SUGCT: variants seen among roughly 807,000 people sequenced by gnomAD.
SUGCT encodes succinyl-CoA:glutarate-CoA transferase, also known as succinyl-CoA:glutarate CoA-transferase.
In SUGCT, 41 loss-of-function variants were observed where a neutral mutation model predicts 55.0. That is an observed-to-expected ratio of 0.74 (90% CI 0.58 to 0.97). The LOEUF (loss-of-function observed/expected upper bound fraction) is 0.97. Among genes scored for constraint, SUGCT ranks in the 50% least tolerant of loss-of-function variants. SUGCT has a pLI of 0.00. For synonymous variants in SUGCT, 187 were observed against 200.4 expected, an observed-to-expected ratio of 0.93 and a Z score of 0.56; for missense variants, 568 against 547.8, an observed-to-expected ratio of 1.04 and a Z score of -0.37.
chr7:40,632,126 G>A (rs1209057810), intron 12 of SUGCT, among the ~76,000 whole-genome samples: 2 of 152,258 alleles, frequency 1.3e-5, no homozygotes, highest in South Asian at 2.1e-4. Context: ...CCATAAATAT[G>A]AGTGGGATGC....
rs539896429 is a variant in SUGCT, at chr7:40,495,534, C to A, written c.987-750C>A. On this transcript the variant is annotated intron_variant, in intron 11 of 13. Transcript: ENST00000335693. ...ATTGTGTTGTGGTGTCCCTATAGAT[C>A]CAAGATTTTATTTCTGTGTTCACTG... Among the ~76,000 whole-genome samples the A allele has an allele frequency of 2.0e-5, 3 of 152,096 alleles. No homozygotes were observed. The South Asian group carries it at 6.2e-4, about 32-fold the overall frequency.
intron 12 of SUGCT, among the ~76,000 whole-genome samples, chr7:40,516,778 C>G (rs1352177997): frequency 6.6e-6 from 1 of 152,086 alleles, no homozygotes; most frequent in Admixed American, 6.5e-5. Context: ...CCTCATTTTT[C>G]TTCTTTTTCA....
At chr7:40,541,126 G>C (rs1339137667) in intron 12 of SUGCT, among the ~76,000 whole-genome samples, 1 of 152,106 alleles carries the variant, frequency 6.6e-6, no homozygotes, top group Non-Finnish European at 1.5e-5. Flanking sequence ...TGCCCTCCAG[G>C]CTCTATAAGC....
At chr7:40,194,354 C>T (rs540285408) in intron 5 of SUGCT, among the ~76,000 whole-genome samples, 7 of 152,056 alleles carry the variant, frequency 4.6e-5, no homozygotes, top group Non-Finnish European at 1.0e-4. Flanking sequence ...CTCAATTTAC[C>T]GGCTCAAGTG....
At chr7:40,300,374 A>G (rs186425207) in intron 8 of SUGCT, among the ~76,000 whole-genome samples, 43 of 152,282 alleles carry the variant, frequency 2.8e-4, no homozygotes, top group Non-Finnish European at 4.1e-4. Context: ...GATGTAAAAA[A>G]GATTAAAAAA....
intron 7 of SUGCT, among the ~76,000 whole-genome samples, chr7:40,264,884 A>G (rs1485060273): frequency 1.3e-5 from 2 of 152,200 alleles, no homozygotes; most frequent in Non-Finnish European, 1.5e-5. Context: ...GTGTCCCATC[A>G]TCACACCAAG....
At chr7:40,898,706 A>AG in the SUGCT span, among the ~76,000 whole-genome samples, 1 of 152,126 alleles carries the variant, frequency 6.6e-6, no homozygotes. Flanking sequence ...CTAAAAAAAA[A>AG]AAATGAACAC....
At chr7:40,797,610 C>G (rs1790610626) in intron 13 of SUGCT, among the ~76,000 whole-genome samples, 1 of 152,094 alleles carries the variant, frequency 6.6e-6, no homozygotes, top group Admixed American at 6.6e-5. Flanking sequence ...TCCCATGTAC[C>G]TTACAGGCCA....
chr7:40,374,411 G>A (rs1224699923), intron 9 of SUGCT, among the ~76,000 whole-genome samples: 1 of 152,100 alleles, frequency 6.6e-6, no homozygotes, highest in East Asian at 1.9e-4. Flanking sequence ...GATTTAACCT[G>A]AGCGTTCAAG....
At chr7:41,023,229 C>A in the SUGCT span, among the ~76,000 whole-genome samples, 3 of 152,142 alleles carry the variant, frequency 2.0e-5, no homozygotes, top group Admixed American at 6.6e-5. Context: ...CTTTGAGGGA[C>A]CTGCAGTTCT....
At chr7:41,024,563 T>A in the SUGCT span, among the ~76,000 whole-genome samples, 65 of 149,614 alleles carry the variant, frequency 4.3e-4, no homozygotes, top group African/African-American at 1.6e-3. Flanking sequence ...AAAACCCTAA[T>A]GGCCAATAAA....
At chr7:40,244,046 G>A (rs528410894) in intron 7 of SUGCT, among the ~76,000 whole-genome samples, 1 of 152,264 alleles carries the variant, frequency 6.6e-6, no homozygotes, top group African/African-American at 2.4e-5. Flanking sequence ...GGTGGCAGGT[G>A]CCTGTAATCC....
intron 12 of SUGCT, among the ~76,000 whole-genome samples, chr7:40,666,844 A>C (rs1211489148): frequency 6.6e-6 from 1 of 152,110 alleles, no homozygotes; most frequent in African/African-American, 2.4e-5. Context: ...TGGATCATGG[A>C]CTCGCAACTT....
At chr7:40,329,003 C>T (rs536992500) in intron 9 of SUGCT, among the ~76,000 whole-genome samples, 6 of 152,090 alleles carry the variant, frequency 3.9e-5, no homozygotes, top group African/African-American at 1.4e-4. Flanking sequence ...GGTCAGGGCT[C>T]TTTAGCTCAA....
At chr7:40,838,942 GA>G (rs1273135249) in intron 13 of SUGCT, among the ~76,000 whole-genome samples, 2 of 141,500 alleles carry the variant, frequency 1.4e-5, no homozygotes, top group East Asian at 6.6e-4. Context: ...CCTTTGGTGA[GA>G]GTTTTTTTTT....
At chr7:40,383,402 C>G (rs965834038) in intron 9 of SUGCT, among the ~76,000 whole-genome samples, 1 of 152,076 alleles carries the variant, frequency 6.6e-6, no homozygotes, top group African/African-American at 2.4e-5. Context: ...TCTATTAGGA[C>G]GGGTTCAAGA....
chr7:40,147,577 C>T (rs989137755), intron 1 of SUGCT, among the ~76,000 whole-genome samples: 4 of 152,342 alleles, frequency 2.6e-5, no homozygotes, highest in Admixed American at 6.5e-5. Flanking sequence ...ATACTTTACC[C>T]GCTCCTGCGG....
chr7:40,346,821 A>G (rs1797339262), intron 9 of SUGCT, among the ~76,000 whole-genome samples: 2 of 152,186 alleles, frequency 1.3e-5, no homozygotes, highest in African/African-American at 4.8e-5. Flanking sequence ...TTCTCCTTGT[A>G]CATTTACTGA....
intron 9 of SUGCT, among the ~76,000 whole-genome samples, chr7:40,440,120 T>A (rs1034826586): frequency 6.7e-6 from 1 of 148,564 alleles, no homozygotes; most frequent in Middle Eastern, 3.3e-3. Context: ...AGCAAATGAG[T>A]CAAGTTTTTT....
Sources: allele counts gnomAD v4.1 joint callset (sites outside exome capture counted in the v4.1 genomes callset), GRCh38; gene constraint gnomAD v4.1.1; transcripts MANE v1.5; gene names NCBI Gene and HGNC (gene_info 2026-07-23, HGNC 2026-07-21).